Variants in SLC4A2 observed in about 807,000 individuals in gnomAD.
The protein encoded by SLC4A2 is anion exchange protein 2.
In SLC4A2, 36 loss-of-function variants were observed where a neutral mutation model predicts 115.0. The ratio of observed to expected loss-of-function variants is 0.31; its 90% CI spans 0.24 to 0.41. The LOEUF is 0.41. Among genes scored for constraint, SLC4A2 ranks in the 10% least tolerant of loss-of-function variants. SLC4A2 has a pLI of 1.00. For missense variants in SLC4A2, 1,252 were observed against 1,705.6 expected, an observed-to-expected ratio of 0.73 and a Z score of 4.68; for synonymous variants, 708 against 708.3, an observed-to-expected ratio of 1.00 and a Z score of 0.01.
intron 16 of SLC4A2, 130 bp from the exon 17 acceptor site, chr7:151,073,909 C>T: frequency 9.9e-7 from 1 of 1,005,724 alleles, no homozygotes; most frequent in Non-Finnish European, 1.5e-6. Flanking sequence ...TGTCTTAATT[C>T]AACAAGACAA....
At chr7:151,063,523 C>T (rs926387603) in intron 2 of SLC4A2, among the ~76,000 whole-genome samples, 1 of 151,810 alleles carries the variant, frequency 6.6e-6, no homozygotes, top group East Asian at 2.0e-4. Context: ...GACTACACAG[C>T]CAAGGGGGCT....
At chr7:151,062,119 C>A in intron 2 of SLC4A2, 81 bp downstream of exon 2, 1 of 1,139,350 alleles carries the variant, frequency 8.8e-7, no homozygotes, top group Non-Finnish European at 1.3e-6. Flanking sequence ...TCCTCGCCAA[C>A]CAGGGGTGTG....
intron 7 of SLC4A2, 69 bp downstream of exon 7, chr7:151,067,062 C>G: frequency 6.9e-7 from 1 of 1,452,632 alleles, no homozygotes; most frequent in Non-Finnish European, 9.3e-7. Context: ...CTCAGACCAG[C>G]TGTAATCTCA....
At chr7:151,067,729 G>C in intron 7 of SLC4A2, 145 bp from the exon 8 acceptor site, 1 of 613,358 alleles carries the variant, frequency 1.6e-6, no homozygotes, top group Non-Finnish European at 2.8e-6. Context: ...CCAGCTGGCT[G>C]TGGGACTGGT....
intron 16 of SLC4A2, 41 bp from the exon 17 acceptor site, chr7:151,073,998 G>A (rs747348246): frequency 6.6e-7 from 1 of 1,520,884 alleles, no homozygotes; most frequent in Non-Finnish European, 8.8e-7. Context: ...AATCTTTTCT[G>A]CAGTCCAGCT....
In SLC4A2 at chr7:151,071,460, T is replaced by C; in HGVS notation, c.2046T>C (p.Phe682=). The C allele has an allele frequency of 6.2e-7, 1 of 1,610,248 alleles. No individual in the cohort carries two copies. Among genetic ancestry groups the C allele is most frequent in the Non-Finnish European group, 8.5e-7 (1 of 1,179,832 alleles). ...DDPLRRTGRP[F]GGLIRDVRRR... ...CCCTTCGGCGGACGGGGCGGCCCTT[T>C]GGGGGGCTGATCCGAGATGTGCGGC... Residue 682 remains phenylalanine, a synonymous_variant, in exon 14 of 23, where the codon TTT becomes TTC. Coordinates refer to ENST00000413384, the MANE Select transcript of SLC4A2 (RefSeq NM_003040.4). The surrounding 1 kb of genome is among the most constrained non-coding windows in gnomAD (Gnocchi z 5.5).
chr7:151,063,751 C>T (rs1467482233), intron 2 of SLC4A2, among the ~76,000 whole-genome samples: 1 of 151,888 alleles, frequency 6.6e-6, no homozygotes, highest in Non-Finnish European at 1.5e-5. Context: ...TGTTTTGAGA[C>T]GGAGTCTCAC....
chr7:151,064,480 G>A, intron 3 of SLC4A2, 46 bp from the exon 4 acceptor site: 2 of 1,587,514 alleles, frequency 1.3e-6, no homozygotes, highest in Non-Finnish European at 1.7e-6. Flanking sequence ...GATGGCAGGG[G>A]AGGGACACTG....
chr7:151,070,081 A>G lies in SLC4A2; in HGVS notation c.1282A>G (p.Ser428Gly). ...GCTGCGGGCTCTGCTGTTGAAACACAGGTGAGGCCCTGTGGGCCAGTTGGG... is the reference window on the plus strand; with the variant it reads ...GCTGCGGGCTCTGCTGTTGAAACACGGGTGAGGCCCTGTGGGCCAGTTGGG... ...NVLRALLLKH[S>G]HPSDEKDFSF... Residue 428 changes from serine (S) to glycine (G), a missense_variant and splice_region_variant, in exon 9 of 23, where the codon AGC (serine) becomes GGC (glycine). By Grantham distance (56) the Ser-to-Gly change is moderately conservative. Transcript: ENST00000413384. 6.2e-7 allele frequency: 1 copy of G among 1,613,940 alleles called. No homozygotes were observed. Among genetic ancestry groups the G allele is most frequent in the Non-Finnish European group, 8.5e-7 (1 of 1,179,864 alleles).
intron 7 of SLC4A2, among the ~76,000 whole-genome samples, chr7:151,067,586 G>A (rs1046815510): frequency 6.6e-6 from 1 of 152,248 alleles, no homozygotes; most frequent in Non-Finnish European, 1.5e-5. Flanking sequence ...TTTCTCAAGT[G>A]CTCACTCTGA....
chr7:151,074,567 C>G (rs1797551661), intron 18 of SLC4A2, 79 bp downstream of exon 18: 2 of 1,590,588 alleles, frequency 1.3e-6, no homozygotes, highest in Non-Finnish European at 1.7e-6. Flanking sequence ...GCCTCCAAAC[C>G]CAGCCTGTCC....
In SLC4A2 at chr7:151,064,849, T is replaced by C; in HGVS notation, c.461T>C (p.Phe154Ser). Residue 154 changes from phenylalanine (F) to serine (S), a missense_variant and splice_region_variant, in exon 5 of 23, where the codon TTC (phenylalanine) becomes TCC (serine). Transcript: ENST00000413384. ...TGCCCATGTGGGTCCCTGTTACAGT[T>C]CTTTCTCCAAGAGGATGACAGTGCT... ...SPVSTPSSVQ[F>S]FLQEDDSADR... is the part of the protein sequence containing the mutation. 1 of 1,613,906 alleles carries C rather than the reference T, an allele frequency of 6.2e-7. No individual in the cohort carries two copies. The highest frequency in any genetic ancestry group is 8.5e-7 in the Non-Finnish European group (1 of 1,179,966).
Position 151,066,569 on chromosome 7 carries a change from G to A in SLC4A2, c.631G>A (p.Ala211Thr), listed in dbSNP as rs1185218727. 4.5e-6 allele frequency: 7 copies of A among 1,545,864 alleles called. No homozygotes were observed. The highest frequency in any genetic ancestry group is 6.1e-6 in the Non-Finnish European group (7 of 1,145,426). The change falls in exon 6 of 23, where the codon GCA becomes ACA. Residue 211 changes from alanine (A) to threonine (T), a missense_variant. Transcript: ENST00000413384. ...GGCGGTGGCGGTGGCCAGTGGCACT[G>A]CAGGGGGTGACGACGGGGGTGCCTC... ...AEAVAVASGT[A>T]GGDDGGASGR...
At position 151,062,315 on chromosome 7, in the gene SLC4A2, GTC is replaced by G. The variant is rs1362793620; in HGVS notation, c.51+282_51+283del. On this transcript the variant is annotated intron_variant, in intron 2 of 22. Coordinates refer to ENST00000413384, the MANE Select transcript of SLC4A2 (RefSeq NM_003040.4). Reference sequence around the variant, plus strand: ...GGTTGAGGAACTTTGAGAACCCTGGGTCTCTCACCCAGCAACCCGTCTCAGAC... The same window carrying G: ...GGTTGAGGAACTTTGAGAACCCTGGGTCTCACCCAGCAACCCGTCTCAGAC... Among the ~76,000 whole-genome samples, 8 of 152,298 alleles carry G rather than the reference GTC, an allele frequency of 5.3e-5. No individual in the cohort carries two copies. In the South Asian group the frequency reaches 8.3e-4, roughly 16 times the overall value.
chr7:151,066,825 C>T (rs1797252555), intron 6 of SLC4A2, 26 bp from the exon 7 acceptor site: 1 of 1,603,188 alleles, frequency 6.2e-7, no homozygotes, highest in Non-Finnish European at 8.5e-7. Context: ...AAGGGGGAGC[C>T]CAACCTTGGT....
In SLC4A2 at chr7:151,064,609, G is replaced by A; in HGVS notation, c.301G>A (p.Gly101Ser). ...TGCACGCCGCCGCAAGACACCCCAGGGCCCAGGACGGAAGCCTCGAAGGCG... is the reference window on the plus strand; with the variant it reads ...TGCACGCCGCCGCAAGACACCCCAGAGCCCAGGACGGAAGCCTCGAAGGCG... ...PDARRRKTPQ[G>S]PGRKPRRRPG... Residue 101 changes from glycine to serine, a missense_variant, in exon 4 of 23, where the codon GGC (glycine) becomes AGC (serine). Physicochemically the swap from Gly to Ser is moderately conservative, Grantham distance 56. Transcript: ENST00000413384. The A allele has an allele frequency of 6.2e-7, 1 of 1,613,440 alleles. No homozygotes were observed. Among genetic ancestry groups the A allele is most frequent in the Non-Finnish European group, 8.5e-7 (1 of 1,179,904 alleles).
chr7:151,062,803 T>G, intron 2 of SLC4A2: 1 of 1,369,372 alleles, frequency 7.3e-7, no homozygotes. Flanking sequence ...GGAGCCTTCC[T>G]CACAGAGGGG....
In SLC4A2 at chr7:151,064,373, G is replaced by A. The variant is rs1296981797; in HGVS notation, c.217+6G>A. 2 of 1,581,310 alleles carry A rather than the reference G, an allele frequency of 1.3e-6. No homozygotes were observed. The highest frequency in any genetic ancestry group is 2.3e-5 in the South Asian group (2 of 88,778). ...TGGGGAGGAAGACTTTGAGTGTGAG[G>A]GGGCAGGCAGGGGAGGGGGAGGTGG... On this transcript the variant is annotated splice_donor_region_variant and intron_variant, in intron 3 of 22. Transcript: ENST00000413384.
In SLC4A2 at chr7:151,060,383, G is replaced by A. The variant is rs1396090707; in HGVS notation, c.-64+621G>A. The stretch of plus-strand genomic sequence containing the variant: ...TACTTTATCCCCCTTCGTTTCCCCC[G>A]CCAGCCCCACATGGAAGAGCTGCGG... On this transcript the variant is annotated intron_variant, in intron 1 of 22. Coordinates refer to ENST00000413384, the MANE Select transcript of SLC4A2 (RefSeq NM_003040.4). The surrounding 1 kb of genome is among the most constrained non-coding windows in gnomAD (Gnocchi z 5.9). Among the ~76,000 whole-genome samples the A allele has an allele frequency of 2.6e-5, 4 of 152,268 alleles. No homozygotes were observed. In the East Asian group the frequency reaches 7.7e-4, roughly 29 times the overall value.
Sources: gnomAD v4.1 joint callset for allele counts (sites outside exome capture counted in the v4.1 genomes callset) on GRCh38, gnomAD v4.1.1 for gene constraint, Gnocchi (gnomAD v3.1) non-coding constraint, MANE v1.5 for transcripts, NCBI Gene and HGNC (gene_info 2026-07-23, HGNC 2026-07-21) for gene names.